ADGRB3: variants seen among roughly 807,000 people sequenced by gnomAD.
The protein encoded by ADGRB3 is adhesion G protein-coupled receptor B3, also known as brain-specific angiogenesis inhibitor 3.
ADGRB3 carries 37 observed loss-of-function variants against 193.4 expected under a neutral mutation model. The ratio of observed to expected loss-of-function variants is 0.19; its 90% confidence interval spans 0.15 to 0.25. ADGRB3 has a LOEUF of 0.25. ADGRB3 is among the 10% of genes least tolerant of loss of function. The pLI, the probability that ADGRB3 is intolerant of heterozygous loss-of-function variation, is 1.00. For missense variants in ADGRB3, 1,637 were observed against 1,852.9 expected (o/e 0.88, Z 2.14); for synonymous variants, 690 against 644.2 (o/e 1.07, Z -1.08).
intron 20 of ADGRB3, among the ~76,000 whole-genome samples, chr6:69,285,623 A>G (rs1021277659): frequency 6.6e-6 from 1 of 152,118 alleles, no homozygotes; most frequent in Admixed American, 6.5e-5. Flanking sequence ...GTGAGCCAAG[A>G]CCACACCACT....
chr6:69,242,374 A>C (rs1390014215), intron 20 of ADGRB3, among the ~76,000 whole-genome samples: 1 of 151,894 alleles, frequency 6.6e-6, no homozygotes, highest in Admixed American at 6.6e-5. Context: ...TTGATGCTTT[A>C]GTATTCCCAT....
At chr6:69,024,479 T>C (rs1272998482) in intron 13 of ADGRB3, among the ~76,000 whole-genome samples, 1 of 152,224 alleles carries the variant, frequency 6.6e-6, no homozygotes, top group African/African-American at 2.4e-5. Context: ...GAATTTACTT[T>C]AGATAGATGA....
intron 6 of ADGRB3, among the ~76,000 whole-genome samples, chr6:68,944,786 A>G (rs990729231): frequency 6.6e-6 from 1 of 152,208 alleles, no homozygotes; most frequent in East Asian, 1.9e-4. Flanking sequence ...CATAGATGAT[A>G]TAATCTCTCA....
chr6:69,114,353 T>C (rs1481659992), intron 17 of ADGRB3, among the ~76,000 whole-genome samples: 1 of 152,126 alleles, frequency 6.6e-6, no homozygotes, highest in South Asian at 2.1e-4. Context: ...TTTAATGGGA[T>C]TGTTTGTTTT....
intron 3 of ADGRB3, among the ~76,000 whole-genome samples, chr6:68,885,568 A>C (rs13208434): frequency 0.28 from 42,987 of 152,058 alleles, 6,937 homozygotes; most frequent in Middle Eastern, 0.51. Context: ...GGCGAGGCAC[A>C]GAAGGACAAA....
At chr6:68,741,478 G>A (rs969194961) in intron 3 of ADGRB3, among the ~76,000 whole-genome samples, 2 of 151,940 alleles carry the variant, frequency 1.3e-5, no homozygotes, top group East Asian at 1.9e-4. Context: ...CCTCCACCTC[G>A]CCAGCTCAAG....
At chr6:69,047,813 C>A (rs144421316) in intron 13 of ADGRB3, among the ~76,000 whole-genome samples, 1,947 of 152,170 alleles carry the variant, frequency 0.013, 21 homozygotes, top group Non-Finnish European at 0.019. Flanking sequence ...AAATTTCAAT[C>A]CATTAGTTCA....
chr6:69,049,815 A>AT (rs1169157485), intron 15 of ADGRB3, among the ~76,000 whole-genome samples: 2 of 152,128 alleles, frequency 1.3e-5, no homozygotes, highest in African/African-American at 2.4e-5. Context: ...TTACAGTTAC[A>AT]TTTTTTTAAA....
intron 3 of ADGRB3, among the ~76,000 whole-genome samples, chr6:68,771,381 TATATAC>T (rs986587818): frequency 1.4e-3 from 91 of 63,836 alleles, no homozygotes; most frequent in African/African-American, 6.1e-3. Flanking sequence ...TGCTAGGGAA[TATATAC>T]ACACACACAC....
At chr6:69,224,939 T>G (rs191650982) in intron 17 of ADGRB3, among the ~76,000 whole-genome samples, 229 of 152,278 alleles carry the variant, frequency 1.5e-3, no homozygotes, top group African/African-American at 5.1e-3. Flanking sequence ...CTGTCTTTCC[T>G]TCCTTTTAAT....
At chr6:69,153,627 G>A (rs1187764317) in intron 17 of ADGRB3, among the ~76,000 whole-genome samples, 2 of 152,024 alleles carry the variant, frequency 1.3e-5, no homozygotes, top group African/African-American at 4.8e-5. Flanking sequence ...AATTTCAAAT[G>A]GGATCCATCA....
At chr6:69,211,806 C>T (rs1484009432) in intron 17 of ADGRB3, among the ~76,000 whole-genome samples, 1 of 152,204 alleles carries the variant, frequency 6.6e-6, no homozygotes, top group Non-Finnish European at 1.5e-5. Flanking sequence ...CAAAATTATA[C>T]TGCTATCCAC....
At chr6:69,066,634 T>A (rs542390866) in intron 16 of ADGRB3, among the ~76,000 whole-genome samples, 9 of 152,268 alleles carry the variant, frequency 5.9e-5, no homozygotes, top group Non-Finnish European at 1.0e-4. Flanking sequence ...TAAGACACTA[T>A]TCTTAGTTCA....
At chr6:68,812,671 CT>C (rs978213617) in intron 3 of ADGRB3, among the ~76,000 whole-genome samples, 15 of 148,822 alleles carry the variant, frequency 1.0e-4, no homozygotes, top group African/African-American at 1.5e-4. Flanking sequence ...ACTGTAAGTT[CT>C]TTTTTTTTTC....
At chr6:68,654,847 C>T in intron 3 of ADGRB3, among the ~76,000 whole-genome samples, 1 of 151,722 alleles carries the variant, frequency 6.6e-6, no homozygotes, top group Non-Finnish European at 1.5e-5. Context: ...TGAAAATTCA[C>T]ATGAAGTCTT....
chr6:69,187,434 G>A (rs1236204717), intron 17 of ADGRB3, among the ~76,000 whole-genome samples: 1 of 152,068 alleles, frequency 6.6e-6, no homozygotes. Context: ...ATGGTATCTG[G>A]CAGTACTACT....
chr6:68,713,648 C>T (rs546865551), intron 3 of ADGRB3, among the ~76,000 whole-genome samples: 19 of 151,236 alleles, frequency 1.3e-4, no homozygotes, highest in African/African-American at 4.4e-4. Flanking sequence ...TAATAGATTG[C>T]CCTCTTTTTG....
intron 3 of ADGRB3, among the ~76,000 whole-genome samples, chr6:68,818,800 C>A (rs533723604): frequency 6.6e-6 from 1 of 152,000 alleles, no homozygotes; most frequent in South Asian, 2.1e-4. Flanking sequence ...AATTCAAGGA[C>A]GAGAAAGCAA....
chr6:69,126,795 A>G (rs756776217), intron 17 of ADGRB3, among the ~76,000 whole-genome samples: 4 of 152,152 alleles, frequency 2.6e-5, no homozygotes, highest in Non-Finnish European at 5.9e-5. Context: ...TTACCTTCCT[A>G]TAGAGTTTGA....
Sources: gnomAD v4.1 joint callset for allele counts (sites outside exome capture counted in the v4.1 genomes callset) on GRCh38, gnomAD v4.1.1 for gene constraint, MANE v1.5 for transcripts, NCBI Gene and HGNC (gene_info 2026-07-23, HGNC 2026-07-21) for gene names.